The following LRRTM4 variants were observed in gnomAD, a reference collection of about 807,000 sequenced individuals.
LRRTM4 encodes the protein leucine rich repeat transmembrane neuronal 4.
A neutral mutation model predicts 47.6 loss-of-function variants in LRRTM4; 25 were observed. The ratio of observed to expected loss-of-function variants is 0.53; its 90% CI spans 0.38 to 0.73. The LOEUF (loss-of-function observed/expected upper bound fraction) is 0.73. Ranked by LOEUF, LRRTM4 falls within the 30% of genes least tolerant of loss-of-function variation. The probability of loss-of-function intolerance (pLI) is 0.00; values close to 1 mark genes in which losing one functional copy is unlikely to be tolerated. For synonymous variants in LRRTM4, 311 were observed against 269.5 expected, an observed-to-expected ratio of 1.15 and a Z score of -1.51; for missense variants, 638 against 713.4, an observed-to-expected ratio of 0.89 and a Z score of 1.20.
chr2:76,869,543 G>A (rs1672564484), intron 3 of LRRTM4, among the ~76,000 whole-genome samples: 1 of 151,902 alleles, frequency 6.6e-6, no homozygotes, highest in Non-Finnish European at 1.5e-5. Flanking sequence ...GGTGGGAAAG[G>A]GTAGATGATT....
At chr2:77,120,079 T>C (rs1671487331) in intron 3 of LRRTM4, among the ~76,000 whole-genome samples, 1 of 151,806 alleles carries the variant, frequency 6.6e-6, no homozygotes, top group Non-Finnish European at 1.5e-5. Flanking sequence ...TTCTGTCTTA[T>C]GAAAATACCA....
chr2:77,331,454 T>C (rs995211232), intron 3 of LRRTM4, among the ~76,000 whole-genome samples: 14 of 152,286 alleles, frequency 9.2e-5, no homozygotes, highest in Middle Eastern at 3.4e-3. Flanking sequence ...GGAAAGACAC[T>C]GTAATTGAAA....
chr2:77,183,211 C>CTAAAATGAACTCCAACAAATT (rs1204671595), intron 3 of LRRTM4, among the ~76,000 whole-genome samples: 6 of 152,180 alleles, frequency 3.9e-5, no homozygotes, highest in East Asian at 3.9e-4. Context: ...TATCCAGAAT[C>CTAAAATGAACTCCAACAAATT]TACAATGAAC....
intron 3 of LRRTM4, among the ~76,000 whole-genome samples, chr2:76,992,552 G>T (rs1677045880): frequency 6.6e-6 from 1 of 151,388 alleles, no homozygotes; most frequent in African/African-American, 2.4e-5. Context: ...AAATATCTAG[G>T]AATATGGCTA....
chr2:77,129,423 A>G (rs763955297), intron 3 of LRRTM4, among the ~76,000 whole-genome samples: 3 of 152,324 alleles, frequency 2.0e-5, no homozygotes, highest in Middle Eastern at 3.4e-3. Context: ...GGAGGTTCAT[A>G]TTCATTAGAG....
intron 3 of LRRTM4, among the ~76,000 whole-genome samples, chr2:77,453,176 A>ATTTTT (rs1162461607): frequency 1.4e-4 from 14 of 99,532 alleles, no homozygotes; most frequent in South Asian, 3.6e-4. Flanking sequence ...TTTCTTCTTG[A>ATTTTT]TTTTTTTTTT....
Position 76,748,912 on chromosome 2 carries a change from G to T in LRRTM4, c.1556C>A (p.Pro519Gln), listed in dbSNP as rs1672749719. The change falls in exon 4 of 4, where the codon CCA (proline) becomes CAA (glutamine). Residue 519 changes from proline (P) to glutamine (Q), a missense_variant. By Grantham distance (76) the Pro-to-Gln change is moderately conservative. Coordinates refer to ENST00000409884, the MANE Select transcript of LRRTM4 (RefSeq NM_001134745.3). Reference protein sequence around the residue: ...TISGSRECEMPHHMKPLPYYS... With the variant: ...TISGSRECEMQHHMKPLPYYS... ...ATATGGCAAGGGCTTCATGTGGTGT[G>T]GCATCTGGATATGAGAAATAGAAAG... 1 of 1,613,642 alleles carries T rather than the reference G, an allele frequency of 6.2e-7. No individual in the cohort carries two copies.
intron 3 of LRRTM4, among the ~76,000 whole-genome samples, chr2:77,021,786 A>G (rs2077823): frequency 0.12 from 18,844 of 152,194 alleles, 1,438 homozygotes; most frequent in Admixed American, 0.2. Context: ...TAGATAATGC[A>G]ATTACTAATG....
At chr2:76,931,689 T>C (rs1674774137) in intron 3 of LRRTM4, among the ~76,000 whole-genome samples, 1 of 152,128 alleles carries the variant, frequency 6.6e-6, no homozygotes, top group Non-Finnish European at 1.5e-5. Context: ...GATTATAAGG[T>C]CTTGATTTAA....
intron 3 of LRRTM4, among the ~76,000 whole-genome samples, chr2:77,144,931 G>C (rs1272264744): frequency 6.6e-6 from 1 of 152,124 alleles, no homozygotes; most frequent in Admixed American, 6.6e-5. Flanking sequence ...CTGGGGAAAA[G>C]GTGAAATTAG....
rs558657940 is a variant in LRRTM4, at chr2:77,393,671, A to AT, written c.1551+124646_1551+124647insA. On this transcript the variant is annotated intron_variant, in intron 3 of 3. Coordinates refer to ENST00000409884, the MANE Select transcript of LRRTM4 (RefSeq NM_001134745.3). ...AACAATCACTTTACTACAGTGTGGA[A>AT]AATAGATTGGAAGAGGGAGCATGTA... Among the ~76,000 whole-genome samples, 146 of 152,088 alleles carry AT rather than the reference A, an allele frequency of 9.6e-4. 1 individual carries two copies. Among genetic ancestry groups the AT allele is most frequent in the African/African-American group, 3.5e-3 (144 of 41,532 alleles).
intron 3 of LRRTM4, among the ~76,000 whole-genome samples, chr2:77,358,263 G>C (rs1672046326): frequency 6.6e-6 from 1 of 152,142 alleles, no homozygotes; most frequent in Admixed American, 6.5e-5. Context: ...TGGCTTCTTT[G>C]CTGAGTAAAA....
At chr2:77,431,803 C>G (rs754495866) in intron 3 of LRRTM4, among the ~76,000 whole-genome samples, 1 of 148,922 alleles carries the variant, frequency 6.7e-6, no homozygotes, top group Admixed American at 6.6e-5. Context: ...GGGCCAGGCA[C>G]GGTAGCTCAT....
intron 3 of LRRTM4, among the ~76,000 whole-genome samples, chr2:77,509,328 T>C (rs905036504): frequency 1.3e-5 from 2 of 152,032 alleles, no homozygotes; most frequent in African/African-American, 2.4e-5. Flanking sequence ...AATTTATAAG[T>C]TGTTTCTCTA....
chr2:76,811,474 G>A (rs1478031264), intron 3 of LRRTM4, among the ~76,000 whole-genome samples: 3 of 152,130 alleles, frequency 2.0e-5, no homozygotes, highest in Admixed American at 6.6e-5. Context: ...AGAATTCAGA[G>A]GTGGCAGCCA....
intron 3 of LRRTM4, among the ~76,000 whole-genome samples, chr2:77,369,911 TATGGTACCACCATTGTA>T (rs1347240428): frequency 2.0e-5 from 3 of 151,822 alleles, no homozygotes; most frequent in African/African-American, 7.2e-5. Flanking sequence ...ATTATAATCT[TATGGTACCACCATTGTA>T]TATGCAGTTC....
intron 3 of LRRTM4, among the ~76,000 whole-genome samples, chr2:77,180,720 C>G (rs954704574): frequency 6.6e-6 from 1 of 152,108 alleles, no homozygotes; most frequent in African/African-American, 2.4e-5. Context: ...ATTGTCTCAT[C>G]TATGCCACTG....
intron 3 of LRRTM4, among the ~76,000 whole-genome samples, chr2:76,800,067 A>G (rs1314609313): frequency 1.3e-4 from 20 of 152,028 alleles, no homozygotes; most frequent in Middle Eastern, 3.4e-3. Context: ...CCCTCAAGCT[A>G]CCAATGCCTT....
intron 3 of LRRTM4, among the ~76,000 whole-genome samples, chr2:77,239,029 T>C (rs1316312226): frequency 6.6e-6 from 1 of 151,698 alleles, no homozygotes; most frequent in African/African-American, 2.4e-5. Context: ...ATTTAAAAAA[T>C]ACTATAATAT....
Sources: allele counts gnomAD v4.1 joint callset (sites outside exome capture counted in the v4.1 genomes callset), GRCh38; gene constraint gnomAD v4.1.1; transcripts MANE v1.5; gene names NCBI Gene and HGNC (gene_info 2026-07-23, HGNC 2026-07-21).